VWF: variants seen among roughly 807,000 people sequenced by gnomAD.
VWF encodes the protein von Willebrand factor.
Under a neutral mutation model 308.6 loss-of-function variants are expected in VWF, and 176 were observed. The ratio of observed to expected loss-of-function variants is 0.57; its 90% confidence interval spans 0.50 to 0.65. The LOEUF is 0.65. Ranked by LOEUF, VWF falls within the 30% of genes least tolerant of loss-of-function variation. VWF has a pLI of 0.00. For synonymous variants in VWF, 1,385 were observed against 1,443.4 expected, an observed-to-expected ratio of 0.96 and a Z score of 0.92; for missense variants, 3,146 against 3,648.2, an observed-to-expected ratio of 0.86 and a Z score of 3.55.
intron 5 of VWF, among the ~76,000 whole-genome samples, chr12:6,101,803 T>G (rs1356890232): frequency 1.3e-5 from 2 of 151,666 alleles, no homozygotes; most frequent in Admixed American, 1.3e-4. Context: ...ATAATAAAAA[T>G]AAAGTAATCC....
chr12:6,018,061 T>G (rs1307098135), intron 28 of VWF, among the ~76,000 whole-genome samples: 2 of 15,186 alleles, frequency 1.3e-4, no homozygotes, highest in Non-Finnish European at 2.1e-4. Flanking sequence ...AAGACTTGCA[T>G]TTTTTTTTTT....
chr12:5,991,254 C>A (rs1943739785), intron 38 of VWF, among the ~76,000 whole-genome samples: 1 of 151,778 alleles, frequency 6.6e-6, no homozygotes, highest in South Asian at 2.1e-4. Context: ...GAAACAAAAA[C>A]TCTCTTAAAT....
chr12:6,049,521 C>T (rs775098622), intron 16 of VWF, among the ~76,000 whole-genome samples: 1 of 152,178 alleles, frequency 6.6e-6, no homozygotes, highest in Non-Finnish European at 1.5e-5. Flanking sequence ...CTATCCTTAC[C>T]ACTGAAACAC....
At chr12:6,032,857 CAT>C (rs1944284885) in intron 20 of VWF, among the ~76,000 whole-genome samples, 1 of 137,584 alleles carries the variant, frequency 7.3e-6, no homozygotes, top group South Asian at 2.5e-4. Context: ...GATGCACACA[CAT>C]ACACCCATGT....
At chr12:6,073,771 A>G (rs1196958310) in intron 7 of VWF, 30 bp from the exon 8 acceptor site, 8 of 1,613,204 alleles carry the variant, frequency 5.0e-6, no homozygotes, top group Non-Finnish European at 5.9e-6. Context: ...GGGTCTACCC[A>G]GGGCAGGTCC....
At chr12:6,086,723 G>A (rs1195049824) in intron 6 of VWF, among the ~76,000 whole-genome samples, 2 of 152,190 alleles carry the variant, frequency 1.3e-5, no homozygotes, top group African/African-American at 4.8e-5. Flanking sequence ...TTCCCTTTCA[G>A]AGTCACCATG....
At chr12:6,091,881 G>C (rs1945038519) in intron 6 of VWF, among the ~76,000 whole-genome samples, 1 of 152,222 alleles carries the variant, frequency 6.6e-6, no homozygotes, top group South Asian at 2.1e-4. Flanking sequence ...CACCTTGCTA[G>C]CTGGCGACTT....
In VWF at chr12:5,993,913, G is replaced by A. The variant is rs749765595; in HGVS notation, c.6547C>T (p.Leu2183Phe). The A allele has an allele frequency of 5.0e-6, 8 of 1,613,872 alleles. No homozygotes were observed. In the East Asian group the frequency reaches 1.6e-4, roughly 31 times the overall value. Residue 2183 changes from leucine (L) to phenylalanine (F), a missense_variant, in exon 37 of 52, where the codon CTC becomes TTC. By Grantham distance (22) the Leu-to-Phe change is conservative. Coordinates refer to ENST00000261405, the MANE Select transcript of VWF (RefSeq NM_000552.5). The stretch of plus-strand genomic sequence containing the variant: ...ACGCAGACCCCGTTGGTCCGACAGA[G>A]GTGGGCATAAGAGGCGATCACCTCA... ...VCEVIASYAH[L>F]CRTNGVCVDW...
intron 47 of VWF, among the ~76,000 whole-genome samples, chr12:5,960,230 T>C (rs1232058321): frequency 2.0e-5 from 3 of 151,838 alleles, no homozygotes; most frequent in Non-Finnish European, 2.9e-5. Context: ...AAGGAAATGT[T>C]ATAAACAACT....
At position 6,121,416 on chromosome 12, in the gene VWF, G is replaced by A. The variant is rs1314798631; in HGVS notation, c.56-78C>T. ...CATCAGCTCAAACCTCTCTGGCCTC[G>A]TAGAAATTAGACTGCCTCTGATAGA... On this transcript the variant is annotated intron_variant, in intron 2 of 51. Coordinates refer to ENST00000261405, the MANE Select transcript of VWF (RefSeq NM_000552.5). The A allele has an allele frequency of 2.3e-5, 36 of 1,539,758 alleles. No homozygotes were observed. The East Asian group carries it at 2.6e-4, about 11-fold the overall frequency.
intron 25 of VWF, among the ~76,000 whole-genome samples, chr12:6,023,250 C>T (rs1374332751): frequency 1.3e-5 from 2 of 152,112 alleles, no homozygotes; most frequent in African/African-American, 2.4e-5. Context: ...CATTAAGTTG[C>T]TTCTGTCCAA....
rs778732929 is a variant in VWF at position 5,969,264 on chromosome 12, G to A, written c.7676C>T (p.Ser2559Leu). 22 of 1,614,078 alleles carry A rather than the reference G, an allele frequency of 1.4e-5. No individual in the cohort carries two copies. Among genetic ancestry groups the A allele is most frequent in the Middle Eastern group, 1.6e-4 (1 of 6,084 alleles). Residue 2559 changes from serine (S) to leucine (L), a missense_variant, in exon 45 of 52, where the codon TCG becomes TTG. Ser to Leu is a moderately radical substitution (Grantham distance 145). This residue lies in a region of VWF where 989 missense variants were observed against 1,117.4 expected (regional missense o/e 0.89). Transcript: ENST00000261405. ...CPQLEVPVCP[S>L]GFQLSCKTSA... ...GGTCTTACAGCTCAGCTGAAAGCCC[G>A]AGGGGCAGACAGGGACCTCCAGCTG...
In VWF at chr12:6,025,963, G is replaced by A. The variant is rs1944186218; in HGVS notation, c.3051C>T (p.Asp1017=). The A allele has an allele frequency of 1.2e-6, 2 of 1,613,828 alleles. No homozygotes were observed. Among genetic ancestry groups the A allele is most frequent in the East Asian group, 2.2e-5 (1 of 44,878 alleles). ...LTSSNLQVEE[D]PVDFGNSWKV... The stretch of plus-strand genomic sequence containing the variant: ...TCCAGGAGTTCCCAAAGTCCACAGG[G>A]TCTTCCTCCACTTGGAGGTTGCTGC... The change falls in exon 23 of 52, where the codon GAC becomes GAT. Residue 1017 remains aspartate (D), a synonymous_variant. Transcript: ENST00000261405.
chr12:6,065,108 C>G, intron 11 of VWF, 29 bp downstream of exon 11: 1 of 1,613,920 alleles, frequency 6.2e-7, no homozygotes, highest in South Asian at 1.1e-5. Flanking sequence ...GGCTACCACC[C>G]GACCAGCAGC....
chr12:6,063,085 AGGTGGGGAGAGGACAGGGT>A lies in VWF; in HGVS notation c.1433-50_1433-32del, dbSNP rs746923280. ...ACCCAGCAGGACAGGACTCAGGCAG[AGGTGGGGAGAGGACAGGGT>A]GGTGGCAGGCAGATGTATTTGGGAG... On this transcript the variant is annotated intron_variant, in intron 12 of 51. Coordinates refer to ENST00000261405, the MANE Select transcript of VWF (RefSeq NM_000552.5). This position sits in a 1 kb window ranked among gnomAD's most constrained non-coding sequence, Gnocchi z 4.9. 1 of 1,581,246 alleles carries A rather than the reference AGGTGGGGAGAGGACAGGGT, an allele frequency of 6.3e-7. No individual in the cohort carries two copies. Among genetic ancestry groups the A allele is most frequent in the Non-Finnish European group, 8.7e-7 (1 of 1,153,048 alleles).
chr12:6,037,226 A>AG (rs1345849302), intron 18 of VWF, among the ~76,000 whole-genome samples: 5 of 152,156 alleles, frequency 3.3e-5, no homozygotes, highest in Non-Finnish European at 7.4e-5. Context: ...CAGTTTTAAA[A>AG]TTTTTTTCCA....
chr12:5,971,631 G>A lies in VWF; in HGVS notation c.7516C>T (p.Pro2506Ser). The part of the protein sequence containing the change: ...PSACEVVTGS[P>S]RGDSQSSWKS... ...CAGGAAGACTGGGAGTCCCCCCGCG[G>A]TGAGCCAGTCACCACCTCACAGGCA... Residue 2506 changes from proline (P) to serine (S), a missense_variant, in exon 44 of 52, where the codon CCG becomes TCG. By Grantham distance (74) the Pro-to-Ser change is moderately conservative (BLOSUM62 -1). Coordinates refer to ENST00000261405, the MANE Select transcript of VWF (RefSeq NM_000552.5). The A allele has an allele frequency of 1.2e-6, 2 of 1,614,190 alleles. No individual in the cohort carries two copies. Among genetic ancestry groups the A allele is most frequent in the Non-Finnish European group, 1.7e-6 (2 of 1,180,036 alleles).
chr12:6,005,665 A>G (rs1411914765), intron 34 of VWF, among the ~76,000 whole-genome samples: 1 of 152,238 alleles, frequency 6.6e-6, no homozygotes, highest in Non-Finnish European at 1.5e-5. Context: ...CAATGAGACT[A>G]TCAACAAATT....
chr12:6,057,782 C>G (rs1011269682), intron 14 of VWF, 67 bp downstream of exon 14: 4 of 1,499,384 alleles, frequency 2.7e-6, no homozygotes, highest in Non-Finnish European at 3.6e-6. Flanking sequence ...GCCTCCGGAA[C>G]GCACTGCACT....
Sources: gnomAD v4.1 joint callset for allele counts (sites outside exome capture counted in the v4.1 genomes callset) on GRCh38, gnomAD v4.1.1 for gene constraint, gnomAD v4.1.1 regional missense constraint, Gnocchi (gnomAD v3.1) non-coding constraint, MANE v1.5 for transcripts, NCBI Gene and HGNC (gene_info 2026-07-23, HGNC 2026-07-21) for gene names.